Variants in SPMIP5 observed in about 807,000 individuals in gnomAD.
SPMIP5 encodes sperm-associated microtubule inner protein 5.
the SPMIP5 span, chr10:116,665,130 C>T: frequency 2.9e-6 from 4 of 1,375,802 alleles, no homozygotes; most frequent in South Asian, 6.9e-5. Flanking sequence ...GCCTCTGTGG[C>T]TCATGCCTGT....
the SPMIP5 span, chr10:116,665,178 C>T: frequency 8.3e-7 from 1 of 1,200,100 alleles, no homozygotes; most frequent in Non-Finnish European, 1.1e-6. Context: ...AGGCAGATCA[C>T]CTGAGGTCAG....
chr10:116,670,119 C>G, the SPMIP5 span: 2 of 152,416 alleles, frequency 1.3e-5, no homozygotes, highest in Middle Eastern at 6.8e-3. Context: ...CGGCACAGCC[C>G]GGACCCCGGT....
chr10:116,668,688 A>C, the SPMIP5 span, among the ~76,000 whole-genome samples: 1 of 152,096 alleles, frequency 6.6e-6, no homozygotes, highest in South Asian at 2.1e-4. Flanking sequence ...GAGCAAGCCC[A>C]GAAGCCCCTG....
the SPMIP5 span, chr10:116,668,106 C>A: frequency 2.7e-6 from 2 of 739,024 alleles, no homozygotes; most frequent in African/African-American, 1.7e-5. Flanking sequence ...CCATCTTCAG[C>A]GATGGAATGC....
chr10:116,663,748 T>G, the SPMIP5 span: 1 of 782,498 alleles, frequency 1.3e-6, no homozygotes, highest in African/African-American at 1.8e-5. Flanking sequence ...TCTTTATCAT[T>G]AATGACATGC....
At chr10:116,668,375 T>TTAAGGAATTACTAC in the SPMIP5 span, 1 of 1,393,654 alleles carries the variant, frequency 7.2e-7, no homozygotes, top group African/African-American at 1.7e-5. Context: ...AGTCACTGCC[T>TTAAGGAATTACTAC]TAAGGAATTA....
chr10:116,664,655 C>A, the SPMIP5 span: 3 of 1,525,842 alleles, frequency 2.0e-6, no homozygotes, highest in Non-Finnish European at 2.6e-6. Flanking sequence ...AAATCACACA[C>A]AAATAGTCCT....
chr10:116,664,153 GAA>G, the SPMIP5 span: 1 of 1,613,978 alleles, frequency 6.2e-7, no homozygotes, highest in Non-Finnish European at 8.5e-7. Flanking sequence ...TAGTAGGAAG[GAA>G]AGAGACATTT....
chr10:116,664,251 G>T, the SPMIP5 span: 2 of 1,605,002 alleles, frequency 1.2e-6, no homozygotes, highest in African/African-American at 2.7e-5. Context: ...AGAAGTTTTT[G>T]TGGAGCTAAC....
chr10:116,663,402 CTTAAG>C, the SPMIP5 span, among the ~76,000 whole-genome samples: 2 of 152,146 alleles, frequency 1.3e-5, no homozygotes, highest in African/African-American at 4.8e-5. Flanking sequence ...TTTCTGTTGT[CTTAAG>C]CCACCCAGTT....
the SPMIP5 span, chr10:116,668,402 A>C: frequency 8.5e-7 from 1 of 1,181,566 alleles, no homozygotes; most frequent in Non-Finnish European, 1.3e-6. Flanking sequence ...AGTGTGCACA[A>C]GCTCTTGGGA....
chr10:116,668,455 T>C, the SPMIP5 span: 1,112 of 740,142 alleles, frequency 1.5e-3, 7 homozygotes, highest in African/African-American at 0.016. Flanking sequence ...GAGGCAGCAC[T>C]ACCACCTTAC....
chr10:116,667,778 T>G, the SPMIP5 span, among the ~76,000 whole-genome samples: 1 of 152,130 alleles, frequency 6.6e-6, no homozygotes, highest in East Asian at 1.9e-4. Flanking sequence ...TTTTCAGTGT[T>G]AAGGAAAGTC....
the SPMIP5 span, among the ~76,000 whole-genome samples, chr10:116,666,855 C>A: frequency 1.3e-5 from 2 of 152,364 alleles, no homozygotes; most frequent in African/African-American, 4.8e-5. Flanking sequence ...AGCATACGAA[C>A]TACCTTTATC....
chr10:116,668,683 A>G, the SPMIP5 span, among the ~76,000 whole-genome samples: 1 of 152,070 alleles, frequency 6.6e-6, no homozygotes, highest in African/African-American at 2.4e-5. Context: ...CTTCTGAGCA[A>G]GCCCAGAAGC....
At chr10:116,663,445 C>A in the SPMIP5 span, among the ~76,000 whole-genome samples, 1 of 152,174 alleles carries the variant, frequency 6.6e-6, no homozygotes, top group East Asian at 1.9e-4. Flanking sequence ...GCAGCCCTAT[C>A]ACACCAATAT....
chr10:116,665,572 C>G, the SPMIP5 span: 283 of 1,585,728 alleles, frequency 1.8e-4, no homozygotes, highest in African/African-American at 3.2e-3. Context: ...CAGGGGTGAC[C>G]AGGGGTGAGG....
At chr10:116,668,933 G>GCACACACGCACA in the SPMIP5 span, among the ~76,000 whole-genome samples, 13 of 135,282 alleles carry the variant, frequency 9.6e-5, no homozygotes, top group African/African-American at 3.8e-4. Context: ...GCACACACAT[G>GCACACACGCACA]CACACACACA....
At chr10:116,662,810 G>C in the SPMIP5 span, among the ~76,000 whole-genome samples, 1 of 152,166 alleles carries the variant, frequency 6.6e-6, no homozygotes, top group Non-Finnish European at 1.5e-5. Flanking sequence ...TAGAGTCATT[G>C]CAGGTATAAT....
Sources: gnomAD v4.1 joint callset for allele counts (sites outside exome capture counted in the v4.1 genomes callset) on GRCh38, gnomAD v4.1.1 for gene constraint, MANE v1.5 for transcripts, NCBI Gene and HGNC (gene_info 2026-07-23, HGNC 2026-07-21) for gene names.